The following KIFC3 variants were observed in gnomAD, a reference collection of about 807,000 sequenced individuals.
The protein encoded by KIFC3 is kinesin family member C3.
In KIFC3, 60 loss-of-function variants were observed where a neutral mutation model predicts 101.8. That is an observed-to-expected ratio of 0.59 (90% CI 0.48 to 0.73). The LOEUF (loss-of-function observed/expected upper bound fraction) is 0.73. Among genes scored for constraint, KIFC3 ranks in the 30% least tolerant of loss-of-function variants. The pLI is 0.00. For synonymous variants in KIFC3, 476 were observed against 482.7 expected (o/e 0.99, Z 0.18); for missense variants, 966 against 1,137.1 (o/e 0.85, Z 2.16).
intron 16 of KIFC3, 135 bp downstream of exon 16, chr16:57,760,591 G>C: frequency 2.8e-6 from 3 of 1,066,872 alleles, no homozygotes; most frequent in Non-Finnish European, 4.2e-6. Flanking sequence ...AGGAGGGACT[G>C]GGAGTTACAC....
intron 3 of KIFC3, among the ~76,000 whole-genome samples, chr16:57,773,432 T>A (rs1228384874): frequency 6.6e-6 from 1 of 152,108 alleles, no homozygotes; most frequent in African/African-American, 2.4e-5. Context: ...GCCAAAATTC[T>A]CATCTTTCAA....
chr16:57,784,621 G>A (rs1220539795), intron 3 of KIFC3, among the ~76,000 whole-genome samples: 5 of 152,074 alleles, frequency 3.3e-5, no homozygotes, highest in African/African-American at 1.2e-4. Context: ...ACAGAGTGCT[G>A]GGCCCAGAGC....
chr16:57,862,352 G>A (rs577588350), intron 1 of KIFC3, among the ~76,000 whole-genome samples: 1 of 151,960 alleles, frequency 6.6e-6, no homozygotes, highest in Non-Finnish European at 1.5e-5. Flanking sequence ...TTAGAACATC[G>A]TGCAACTTAG....
At chr16:57,794,352 A>G (rs1231728201) in intron 3 of KIFC3, among the ~76,000 whole-genome samples, 2 of 151,540 alleles carry the variant, frequency 1.3e-5, no homozygotes, top group Non-Finnish European at 2.9e-5. Flanking sequence ...CAGCCTCCTG[A>G]GTAGCTGGGA....
At chr16:57,815,905 T>C (rs1598198052) in intron 1 of KIFC3, among the ~76,000 whole-genome samples, 1 of 152,126 alleles carries the variant, frequency 6.6e-6, no homozygotes, top group Non-Finnish European at 1.5e-5. Flanking sequence ...CTGTGGCGAG[T>C]GCTGCCCGGA....
chr16:57,782,582 G>A (rs994014906), intron 3 of KIFC3, among the ~76,000 whole-genome samples: 1 of 152,216 alleles, frequency 6.6e-6, no homozygotes, highest in Admixed American at 6.5e-5. Context: ...GCCCTCCAGA[G>A]TATCTCAGAG....
At chr16:57,815,660 T>C in intron 1 of KIFC3, 4 of 1,289,008 alleles carry the variant, frequency 3.1e-6, no homozygotes, top group Non-Finnish European at 4.0e-6. Context: ...GTGAAGTGGG[T>C]ATTCCTGCTA....
chr16:57,759,268 C>T (rs782170928), intron 18 of KIFC3, 115 bp from the exon 19 acceptor site: 155 of 1,260,006 alleles, frequency 1.2e-4, no homozygotes, highest in Middle Eastern at 3.7e-4. Context: ...CTCCCATGAT[C>T]TGGGCTAAAC....
At chr16:57,759,033 C>T in intron 19 of KIFC3, 92 bp downstream of exon 19, 1 of 1,543,948 alleles carries the variant, frequency 6.5e-7, no homozygotes, top group Non-Finnish European at 8.8e-7. Context: ...GGGGCTAGAC[C>T]CAGCTCTGAA....
intron 4 of KIFC3, 129 bp downstream of exon 4, chr16:57,772,094 T>G: frequency 2.6e-6 from 2 of 778,128 alleles, no homozygotes; most frequent in Non-Finnish European, 4.2e-6. Flanking sequence ...AGGCTCTCGG[T>G]GTGTTTCTGA....
At chr16:57,796,475 C>A (rs2054328915) in intron 2 of KIFC3, among the ~76,000 whole-genome samples, 1 of 152,194 alleles carries the variant, frequency 6.6e-6, no homozygotes, top group African/African-American at 2.4e-5. Context: ...ATTCAAATCC[C>A]ATGTGCTAAT....
At chr16:57,780,756 C>A (rs2052638285) in intron 3 of KIFC3, among the ~76,000 whole-genome samples, 1 of 139,414 alleles carries the variant, frequency 7.2e-6, no homozygotes, top group Non-Finnish European at 1.5e-5. Flanking sequence ...CTCACTGCAA[C>A]CTCCACCTCC....
At chr16:57,803,039 G>T, upstream of KIFC3, 2 of 1,535,740 alleles carry the variant, frequency 1.3e-6, no homozygotes, top group Non-Finnish European at 1.7e-6. Flanking sequence ...CAGCGCACAC[G>T]CTCTCACTCG....
intron 1 of KIFC3, among the ~76,000 whole-genome samples, chr16:57,842,211 T>TA (rs573795577): frequency 1.5e-3 from 222 of 151,386 alleles, no homozygotes; most frequent in African/African-American, 5.0e-3. Context: ...AAAAAAAAAA[T>TA]AAAAAATCTC....
At chr16:57,791,305 G>A (rs1425790717) in intron 3 of KIFC3, among the ~76,000 whole-genome samples, 8 of 152,240 alleles carry the variant, frequency 5.3e-5, no homozygotes, top group African/African-American at 1.9e-4. Context: ...ATCGCGAGCA[G>A]GCTTGTGAGC....
intron 2 of KIFC3, 169 bp downstream of exon 2, chr16:57,797,903 C>A (rs1378240660): frequency 1.3e-6 from 2 of 1,484,788 alleles, no homozygotes; most frequent in South Asian, 1.4e-5. Context: ...GAGCGCCCGG[C>A]GAGACTGACG....
chr16:57,860,937 C>A (rs1273235934), intron 1 of KIFC3, among the ~76,000 whole-genome samples: 2 of 152,006 alleles, frequency 1.3e-5, no homozygotes, highest in Admixed American at 6.6e-5. Context: ...GTCTTCAACT[C>A]CTGAGCTGAA....
At chr16:57,781,156 G>C (rs1053016799) in intron 3 of KIFC3, among the ~76,000 whole-genome samples, 3 of 152,236 alleles carry the variant, frequency 2.0e-5, no homozygotes, top group Admixed American at 2.0e-4. Context: ...CGTCTGGACA[G>C]AAAATACAAA....
At chr16:57,825,590 G>C (rs2055441810) in intron 1 of KIFC3, among the ~76,000 whole-genome samples, 1 of 152,170 alleles carries the variant, frequency 6.6e-6, no homozygotes, top group African/African-American at 2.4e-5. Context: ...TTCAGCCTCA[G>C]CTCTGCTGTT....
Sources: gnomAD v4.1 joint callset for allele counts (sites outside exome capture counted in the v4.1 genomes callset) on GRCh38, gnomAD v4.1.1 for gene constraint, MANE v1.5 for transcripts, NCBI Gene and HGNC (gene_info 2026-07-23, HGNC 2026-07-21) for gene names.